Variants in TBX15 observed in about 807,000 individuals in gnomAD.
TBX15 encodes the protein T-box transcription factor 15.
A neutral mutation model predicts 53.9 loss-of-function variants in TBX15; 18 were observed. The ratio of observed to expected loss-of-function variants is 0.33; its 90% CI spans 0.23 to 0.49. The LOEUF is 0.49. Among genes scored for constraint, TBX15 ranks in the 20% least tolerant of loss-of-function variants. TBX15 has a pLI of 0.98. For synonymous variants in TBX15, 295 were observed against 278.0 expected (o/e 1.06, Z -0.61); for missense variants, 692 against 749.5 (o/e 0.92, Z 0.90).
At chr1:118,923,684 T>C in intron 4 of TBX15, 81 bp from the exon 5 acceptor site, 1 of 1,534,108 alleles carries the variant, frequency 6.5e-7, no homozygotes, top group Admixed American at 1.7e-5. Context: ...AATCACTAAG[T>C]TGAAGCACTA....
At chr1:118,928,432 A>G (rs191837083) in intron 2 of TBX15, among the ~76,000 whole-genome samples, 1 of 152,306 alleles carries the variant, frequency 6.6e-6, no homozygotes, top group Admixed American at 6.5e-5. Flanking sequence ...GGATACTCAC[A>G]TTGACTAAAT....
chr1:118,939,442 A>AAAAAAAC (rs1656090809), intron 1 of TBX15, among the ~76,000 whole-genome samples: 1 of 140,854 alleles, frequency 7.1e-6, no homozygotes, highest in Non-Finnish European at 1.5e-5. Flanking sequence ...AAAAACAAAA[A>AAAAAAAC]CAGGAACAGA....
chr1:118,930,122 A>T (rs1655731768), intron 2 of TBX15, among the ~76,000 whole-genome samples: 2 of 152,170 alleles, frequency 1.3e-5, no homozygotes, highest in Admixed American at 1.3e-4. Context: ...AATAAACAAA[A>T]TTTCAGATTT....
At chr1:118,922,821 T>TA (rs1332119503) in intron 5 of TBX15, among the ~76,000 whole-genome samples, 1 of 152,220 alleles carries the variant, frequency 6.6e-6, no homozygotes, top group Non-Finnish European at 1.5e-5. Flanking sequence ...ATGGCTCTCC[T>TA]AGTCTCTGTA....
At chr1:118,964,542 A>G (rs1050877554) in intron 1 of TBX15, among the ~76,000 whole-genome samples, 6 of 152,248 alleles carry the variant, frequency 3.9e-5, no homozygotes, top group African/African-American at 1.4e-4. Context: ...GAAAACTTCC[A>G]GGGGCTCCAA....
At chr1:118,887,101 G>A (rs1653969317) in intron 7 of TBX15, among the ~76,000 whole-genome samples, 1 of 152,198 alleles carries the variant, frequency 6.6e-6, no homozygotes, top group Non-Finnish European at 1.5e-5. Flanking sequence ...AGACATGGGT[G>A]AGTGCTAGGG....
chr1:118,988,198 C>T lies in TBX15; in HGVS notation c.-403G>A. 1 of 190,578 alleles carries T rather than the reference C, an allele frequency of 5.2e-6. No homozygotes were observed. Among genetic ancestry groups the T allele is most frequent in the Non-Finnish European group, 1.1e-5 (1 of 93,872 alleles). The allele number at this position is 190,578 out of a possible 1,614,324, so 11.8% of individuals were successfully genotyped here. A position where few individuals can be genotyped will look rare whatever the true frequency, so the allele number is the denominator to read the frequency against. On this transcript the variant is annotated 5_prime_UTR_variant, in exon 1 of 8. Transcript: ENST00000369429. ...CCTCCCTCTCTTTTTCTCTCCTCCC[C>T]CTCTCTCTCTCTTCCTCTCTGCCTT...
intron 5 of TBX15, among the ~76,000 whole-genome samples, chr1:118,920,151 A>G (rs1365870940): frequency 7.9e-5 from 12 of 152,172 alleles, no homozygotes; most frequent in Non-Finnish European, 1.5e-5. Flanking sequence ...CGTGTTTTCT[A>G]CATCATACTG....
chr1:118,948,406 CA>C (rs1000057534), intron 1 of TBX15, among the ~76,000 whole-genome samples: 5 of 152,094 alleles, frequency 3.3e-5, no homozygotes, highest in Non-Finnish European at 7.4e-5. Context: ...AATCCAATGG[CA>C]AAATGTTCCA....
At chr1:118,944,529 G>A (rs1004481074) in intron 1 of TBX15, among the ~76,000 whole-genome samples, 1 of 152,200 alleles carries the variant, frequency 6.6e-6, no homozygotes, top group African/African-American at 2.4e-5. Flanking sequence ...TCCTTCAAGT[G>A]TGTCAGCAAT....
chr1:118,899,202 G>A (rs1400932812), intron 6 of TBX15, 77 bp from the exon 7 acceptor site: 2 of 1,320,438 alleles, frequency 1.5e-6, no homozygotes, highest in Non-Finnish European at 2.2e-6. Flanking sequence ...ATCCAGAGGT[G>A]GACTGTCAAA....
chr1:118,979,591 A>G (rs1436835592), intron 1 of TBX15, among the ~76,000 whole-genome samples: 1 of 151,794 alleles, frequency 6.6e-6, no homozygotes, highest in Non-Finnish European at 1.5e-5. Context: ...CTTGGGTTCC[A>G]TTTGCATTTC....
At chr1:118,931,929 A>C (rs1162007013) in intron 1 of TBX15, 97 bp from the exon 2 acceptor site, 13 of 1,218,302 alleles carry the variant, frequency 1.1e-5, no homozygotes, top group Non-Finnish European at 1.3e-5. Flanking sequence ...TGAAGTGGGG[A>C]GAGGGGTAAA....
chr1:118,984,592 A>G (rs986061735), intron 1 of TBX15, among the ~76,000 whole-genome samples: 9 of 152,142 alleles, frequency 5.9e-5, no homozygotes, highest in Non-Finnish European at 1.3e-4. Context: ...TTGCTCTGGG[A>G]GAGGGCGGGG....
At chr1:118,965,902 G>T (rs1657021213) in intron 1 of TBX15, among the ~76,000 whole-genome samples, 1 of 152,052 alleles carries the variant, frequency 6.6e-6, no homozygotes, top group Admixed American at 6.5e-5. Context: ...TGTATATAAG[G>T]ACTCATATAA....
intron 3 of TBX15, 85 bp downstream of exon 3, chr1:118,926,425 C>A: frequency 8.2e-7 from 1 of 1,226,566 alleles, no homozygotes. Flanking sequence ...GCATGCATTG[C>A]TAAACTATTT....
chr1:118,939,438 A>AAAAC (rs1553224319), intron 1 of TBX15, among the ~76,000 whole-genome samples: 1 of 71,218 alleles, frequency 1.4e-5, no homozygotes, highest in Non-Finnish European at 2.7e-5. Flanking sequence ...AAAAAAAAAC[A>AAAAC]AAAACAGGAA....
At chr1:118,985,370 C>T (rs950188503) in intron 1 of TBX15, among the ~76,000 whole-genome samples, 3 of 152,182 alleles carry the variant, frequency 2.0e-5, no homozygotes, top group African/African-American at 7.2e-5. Context: ...AAAGAAAGGC[C>T]TAAAAACACC....
intron 3 of TBX15, among the ~76,000 whole-genome samples, chr1:118,926,143 G>T (rs1387982589): frequency 6.6e-6 from 1 of 151,984 alleles, no homozygotes; most frequent in Non-Finnish European, 1.5e-5. Flanking sequence ...ATGCCTTATT[G>T]TTCCACCTCT....
Sources: gnomAD v4.1 joint callset for allele counts (sites outside exome capture counted in the v4.1 genomes callset) on GRCh38, gnomAD v4.1.1 for gene constraint, MANE v1.5 for transcripts, NCBI Gene and HGNC (gene_info 2026-07-23, HGNC 2026-07-21) for gene names.